The following BRWD3 variants were observed in gnomAD, a reference collection of about 807,000 sequenced individuals.
The protein encoded by BRWD3 is bromodomain and WD repeat-containing protein 3.
Under a neutral mutation model 149.7 loss-of-function variants are expected in BRWD3, and 10 were observed. The observed-to-expected ratio is 0.07, with a 90% CI of 0.04 to 0.11. The LOEUF (loss-of-function observed/expected upper bound fraction) is 0.11. Among genes scored for constraint, BRWD3 ranks in the 10% least tolerant of loss-of-function variants. The pLI, the probability that BRWD3 is intolerant of heterozygous loss-of-function variation, is 1.00. For missense variants in BRWD3, 940 were observed against 1,373.2 expected (o/e 0.68, Z 4.99); for synonymous variants, 504 against 456.7 (o/e 1.10, Z -1.32).
At position 80,669,804 on chromosome X, in the gene BRWD3, A is replaced by G. The variant is rs1176591591; in HGVS notation, c.*6805T>C. Among the ~76,000 whole-genome samples the G allele has an allele frequency of 1.8e-5, 2 of 111,411 alleles. No individual in the cohort carries two copies. Among genetic ancestry groups the G allele is most frequent in the East Asian group, 5.6e-4 (2 of 3,572 alleles). ...TAAGCTCCATCAATTAATATTAGTC[A>G]CCTAAATTAAAGAATTTAAAATGTT... On this transcript the variant is annotated 3_prime_UTR_variant, in exon 41 of 41. Coordinates refer to ENST00000373275, the MANE Select transcript of BRWD3 (RefSeq NM_153252.5).
chrX:80,701,746 G>C (rs2072793614), intron 24 of BRWD3, among the ~76,000 whole-genome samples: 1 of 108,383 alleles, frequency 9.2e-6, no homozygotes, highest in African/African-American at 3.3e-5. Flanking sequence ...AATTGTAAGG[G>C]TTAAAAACCA....
chrX:80,702,161 A>T (rs1602322949), intron 24 of BRWD3, among the ~76,000 whole-genome samples: 1 of 112,553 alleles, frequency 8.9e-6, no homozygotes, highest in Admixed American at 9.4e-5. Flanking sequence ...CAATTATATA[A>T]AAAGTGTATG....
chrX:80,779,749 G>A (rs908565869), intron 6 of BRWD3, among the ~76,000 whole-genome samples: 1 of 111,644 alleles, frequency 9.0e-6, no homozygotes, highest in South Asian at 3.7e-4. Context: ...AATTACAAAG[G>A]TATAGAATTA....
intron 6 of BRWD3, among the ~76,000 whole-genome samples, chrX:80,787,139 C>T (rs188121902): frequency 7.8e-4 from 87 of 111,245 alleles, no homozygotes; most frequent in African/African-American, 2.6e-3. Context: ...CCATAAAATC[C>T]TTAGGGAAAA....
intron 6 of BRWD3, among the ~76,000 whole-genome samples, chrX:80,758,014 A>C (rs2073762287): frequency 1.8e-5 from 2 of 111,392 alleles, no homozygotes; most frequent in African/African-American, 3.3e-5. Context: ...AGCCTGACCA[A>C]CACGGTGAAA....
chrX:80,765,331 A>G (rs1052008465), intron 6 of BRWD3, among the ~76,000 whole-genome samples: 3 of 111,990 alleles, frequency 2.7e-5, no homozygotes, highest in Non-Finnish European at 5.6e-5. Context: ...TAGAGGTAAG[A>G]AAGAGAATGT....
intron 14 of BRWD3, among the ~76,000 whole-genome samples, chrX:80,727,085 C>A (rs1252377256): frequency 9.2e-6 from 1 of 109,203 alleles, no homozygotes; most frequent in Non-Finnish European, 1.9e-5. Flanking sequence ...GGAACAAGAT[C>A]TAGTCAGAAT....
intron 25 of BRWD3, 147 bp downstream of exon 25, chrX:80,699,810 A>G (rs2072755879): frequency 4.2e-6 from 2 of 480,347 alleles, no homozygotes; most frequent in Admixed American, 3.3e-5. Context: ...CATAATATTC[A>G]GTTCTACAAG....
intron 4 of BRWD3, among the ~76,000 whole-genome samples, chrX:80,797,558 A>G (rs1371803498): frequency 3.6e-5 from 4 of 111,811 alleles, no homozygotes; most frequent in Non-Finnish European, 5.6e-5. Flanking sequence ...TATAGAAACA[A>G]TGATGTTTGA....
At chrX:80,792,083 A>G (rs773616661) in intron 5 of BRWD3, 131 bp from the exon 6 acceptor site, 1 of 475,227 alleles carries the variant, frequency 2.1e-6, no homozygotes, top group East Asian at 3.7e-5. Context: ...AATGAAAATA[A>G]TAGGCATATA....
intron 8 of BRWD3, among the ~76,000 whole-genome samples, chrX:80,738,183 G>A (rs953559976): frequency 2.7e-5 from 3 of 112,084 alleles, no homozygotes; most frequent in Non-Finnish European, 5.6e-5. Context: ...TCACAAAGGG[G>A]GACCTGGCCC....
chrX:80,703,448 C>T (rs1195000246), intron 24 of BRWD3, 32 bp downstream of exon 24: 1 of 1,013,962 alleles, frequency 9.9e-7, no homozygotes, highest in Admixed American at 2.5e-5. Context: ...CTTGAGGCTC[C>T]ACAGAAAAAG....
intron 6 of BRWD3, among the ~76,000 whole-genome samples, chrX:80,771,411 C>G (rs1236465808): frequency 1.8e-5 from 2 of 111,194 alleles, no homozygotes; most frequent in African/African-American, 6.5e-5. Context: ...ATATATAGAC[C>G]AATGGAACAG....
At chrX:80,792,884 C>T (rs150663223) in intron 5 of BRWD3, among the ~76,000 whole-genome samples, 5,478 of 110,262 alleles carry the variant, frequency 0.05, 118 homozygotes, top group Non-Finnish European at 0.07. Context: ...ATTACTGAGG[C>T]CCGGCGCAGT....
At position 80,682,610 on chromosome X, in the gene BRWD3, G is replaced by A; in HGVS notation, c.4252C>T (p.Arg1418Ter). ...KKSRIYSMML[R>*]LSALFESHIK... ...TGACTTTCAAATAAGGCAGATAATC[G>A]CAGCATCATGCTATAGATCTGAGAA... The change falls in exon 38 of 41, where the codon CGA becomes TGA. Residue 1418 changes from arginine to a stop codon, truncating the protein, a stop_gained. Coordinates refer to ENST00000373275, the MANE Select transcript of BRWD3 (RefSeq NM_153252.5). LOFTEE classifies it high-confidence loss of function. 8.3e-7 allele frequency: 1 copy of A among 1,206,964 alleles called. No individual in the cohort carries two copies.
At position 80,717,699 on chromosome X, in the gene BRWD3, C is replaced by T. The variant is rs797045417; in HGVS notation, c.2105G>A (p.Ser702Asn). Residue 702 changes from serine to asparagine, a missense_variant, in exon 19 of 41, where the codon AGT becomes AAT. By Grantham distance (46) the Ser-to-Asn change is conservative. Coordinates refer to ENST00000373275, the MANE Select transcript of BRWD3 (RefSeq NM_153252.5). ...SSPNIRLRRH[S>N]SQIEGVRQMH... ...TTGTCTAACACCTTCAATTTGACTA[C>T]TATGTCTTCGAAGCCTGATGTTTGG... The T allele has an allele frequency of 1.6e-5, 19 of 1,209,734 alleles. No individual in the cohort carries two copies. Among genetic ancestry groups the T allele is most frequent in the Non-Finnish European group, 2.0e-5 (18 of 894,866 alleles).
Position 80,675,188 on chromosome X carries a change from A to C in BRWD3, c.*1421T>G, listed in dbSNP as rs2072352534. On this transcript the variant is annotated 3_prime_UTR_variant, in exon 41 of 41. Transcript: ENST00000373275. ...GCACTCTACTGCTGTAAACAAGACA[A>C]TAAGGGTTTTTAAAGATGTTTTTTA... 1 of 111,766 alleles carries C rather than the reference A, an allele frequency of 8.9e-6. No individual in the cohort carries two copies. Among genetic ancestry groups the C allele is most frequent in the Admixed American group, 9.5e-5 (1 of 10,486 alleles). 9.2% of individuals were successfully genotyped at this position (111,766 alleles called of 1,213,427 possible).
intron 14 of BRWD3, among the ~76,000 whole-genome samples, chrX:80,725,479 A>T (rs1193453017): frequency 8.9e-6 from 1 of 112,305 alleles, no homozygotes; most frequent in Non-Finnish European, 1.9e-5. Context: ...ATTGTATTTT[A>T]GTAGGTCCCA....
rs2072355485 is a variant in BRWD3, at chrX:80,675,479, T to C, written c.*1130A>G. 8.9e-6 allele frequency: 1 copy of C among 112,043 alleles called. No individual in the cohort carries two copies. Among genetic ancestry groups the C allele is most frequent in the South Asian group, 3.7e-4 (1 of 2,731 alleles). 9.2% of individuals were successfully genotyped at this position (112,043 alleles called of 1,213,427 possible). ...CAAGTCTACTTACACAAATATGTTCTAAGAAAGCCTAAGGTGGTAGAGCAT... is the reference window on the plus strand; with the variant it reads ...CAAGTCTACTTACACAAATATGTTCCAAGAAAGCCTAAGGTGGTAGAGCAT... On this transcript the variant is annotated 3_prime_UTR_variant, in exon 41 of 41. Transcript: ENST00000373275.
Sources: gnomAD v4.1 joint callset for allele counts (sites outside exome capture counted in the v4.1 genomes callset) on GRCh38, gnomAD v4.1.1 for gene constraint, MANE v1.5 for transcripts, NCBI Gene and HGNC (gene_info 2026-07-23, HGNC 2026-07-21) for gene names.